ATP8B2: variants seen among roughly 807,000 people sequenced by gnomAD.
ATP8B2 encodes phospholipid-transporting ATPase ID.
ATP8B2 carries 70 observed loss-of-function variants against 133.4 expected under a neutral mutation model. That is an observed-to-expected ratio of 0.52 (90% CI 0.43 to 0.64). The LOEUF (loss-of-function observed/expected upper bound fraction) is 0.64, where lower values mean the gene tolerates loss of function less well. Among genes scored for constraint, ATP8B2 ranks in the 30% least tolerant of loss-of-function variants. The pLI is 0.00. For missense variants in ATP8B2, 1,101 were observed against 1,535.7 expected, an observed-to-expected ratio of 0.72 and a Z score of 4.73; for synonymous variants, 517 against 589.5, an observed-to-expected ratio of 0.88 and a Z score of 1.78.
In ATP8B2 at chr1:154,340,682, CAGCCGGCTCCACCTTCAGGCTCT is replaced by C; in HGVS notation, c.1035-171_1035-149del. ...GGGGCGTTCCTCTGCTGGCTGTGTG[CAGCCGGCTCCACCTTCAGGCTCT>C]CCTTGCCCTTTCCCACCCAGGTTTC... is the stretch of plus-strand genomic sequence containing the variant. On this transcript the variant is annotated intron_variant, in intron 12 of 27. Transcript: ENST00000368489. The surrounding 1 kb of genome is among the most constrained non-coding windows in gnomAD (Gnocchi z 4.0). 1 of 645,338 alleles carries C rather than the reference CAGCCGGCTCCACCTTCAGGCTCT, an allele frequency of 1.5e-6. No homozygotes were observed. The allele number at this position is 645,338 out of a possible 1,614,324, so 40.0% of individuals were successfully genotyped here.
Position 154,344,998 on chromosome 1 carries a change from C to A in ATP8B2, c.2314C>A (p.Leu772Met). The change falls in exon 22 of 28, where the codon CTG becomes ATG. Residue 772 changes from leucine to methionine, a missense_variant. Coordinates refer to ENST00000368489, the MANE Select transcript of ATP8B2 (RefSeq NM_001370597.1). The surrounding 1 kb of genome is among the most constrained non-coding windows in gnomAD (Gnocchi z 4.1). ...CCACGCACTGGAGGCAGACATGGAG[C>A]TGGAGTTTCTGGAGACAGCGTGTGC... ...LAHALEADME[L>M]EFLETACACK... 1 of 1,613,850 alleles carries A rather than the reference C, an allele frequency of 6.2e-7. No individual in the cohort carries two copies.
chr1:154,328,791 C>T lies in ATP8B2; in HGVS notation c.31+619C>T. On this transcript the variant is annotated intron_variant, in intron 2 of 27. Coordinates refer to ENST00000368489, the MANE Select transcript of ATP8B2 (RefSeq NM_001370597.1). The surrounding 1 kb of genome is among the most constrained non-coding windows in gnomAD (Gnocchi z 4.6). ...GGGGCATGGGGGGCGGCGGCGGCGG[C>T]GCAGCTGAGCTCGCGGTGTCCCCGA... 1 of 1,010,836 alleles carries T rather than the reference C, an allele frequency of 9.9e-7. No individual in the cohort carries two copies. Among genetic ancestry groups the T allele is most frequent in the Non-Finnish European group, 1.2e-6 (1 of 848,204 alleles). The allele number at this position is 1,010,836 out of a possible 1,614,324, so 62.6% of individuals were successfully genotyped here. A position where few individuals can be genotyped will look rare whatever the true frequency, so the allele number is the denominator to read the frequency against.
Position 154,337,538 on chromosome 1 carries a change from A to G in ATP8B2, c.1028A>G (p.Tyr343Cys). ...AACACCGTTGTGCCCATTTCACTCT[A>G]TGTCAGGTATGTGCCTTCTCTGACC... ...ILNTVVPISL[Y>C]VSVEVIRLGH... Residue 343 changes from tyrosine (Y) to cysteine (C), a missense_variant, in exon 12 of 28, where the codon TAT (tyrosine) becomes TGT (cysteine). Coordinates refer to ENST00000368489, the MANE Select transcript of ATP8B2 (RefSeq NM_001370597.1). 2 of 1,614,066 alleles carry G rather than the reference A, an allele frequency of 1.2e-6. No individual in the cohort carries two copies.
At chr1:154,330,606 G>T in intron 3 of ATP8B2, 152 bp downstream of exon 3, 1 of 847,706 alleles carries the variant, frequency 1.2e-6, no homozygotes. Flanking sequence ...CTATCGTGCT[G>T]AATTTTTCAT....
At chr1:154,327,534 T>A (rs761448554) in intron 1 of ATP8B2, among the ~76,000 whole-genome samples, 2 of 152,082 alleles carry the variant, frequency 1.3e-5, no homozygotes, top group Non-Finnish European at 2.9e-5. Flanking sequence ...AGGGACTGTC[T>A]GTGCAGAAAG....
Position 154,340,503 on chromosome 1 carries a change from CTTGT to C in ATP8B2, c.1035-348_1035-345del, listed in dbSNP as rs1686343182. ...CTCTCCCCTCCCTCTGGCACTTTCT[CTTGT>C]TTTTCTCTGCATGGTTTCTGTATTA... On this transcript the variant is annotated intron_variant, in intron 12 of 27. Coordinates refer to ENST00000368489, the MANE Select transcript of ATP8B2 (RefSeq NM_001370597.1). The surrounding 1 kb of genome is among the most constrained non-coding windows in gnomAD (Gnocchi z 4.0). 1 of 243,494 alleles carries C rather than the reference CTTGT, an allele frequency of 4.1e-6. No homozygotes were observed. Among genetic ancestry groups the C allele is most frequent in the Non-Finnish European group, 8.7e-6 (1 of 115,202 alleles). 15.1% of individuals were successfully genotyped at this position (243,494 alleles called of 1,614,324 possible).
chr1:154,348,739 C>T, intron 27 of ATP8B2, 101 bp from the exon 28 acceptor site: 2 of 1,413,636 alleles, frequency 1.4e-6, no homozygotes, highest in Non-Finnish European at 1.9e-6. Context: ...GGGTCGGAGG[C>T]CTCTGTGTCA....
In ATP8B2 at chr1:154,334,317, C is replaced by T. The variant is rs1415357820; in HGVS notation, c.748+52C>T. 1 of 1,602,404 alleles carries T rather than the reference C, an allele frequency of 6.2e-7. No homozygotes were observed. The highest frequency in any genetic ancestry group is 1.7e-5 in the Admixed American group (1 of 59,498). On this transcript the variant is annotated intron_variant, in intron 10 of 27. Transcript: ENST00000368489. The surrounding 1 kb of genome is among the most constrained non-coding windows in gnomAD (Gnocchi z 4.6). ...AAGGGTAAGAGTGACTCAGCCAGCC[C>T]TCACTCAGGAGTATGGGATGAGGTG...
In ATP8B2 at chr1:154,328,901, C is replaced by T; in HGVS notation, c.31+729C>T. 7.8e-7 allele frequency: 1 copy of T among 1,276,510 alleles called. No individual in the cohort carries two copies. Among genetic ancestry groups the T allele is most frequent in the South Asian group, 1.3e-5 (1 of 79,498 alleles). The allele number at this position is 1,276,510 out of a possible 1,614,324, so 79.1% of individuals were successfully genotyped here. Reference sequence around the variant, plus strand: ...GCTCCCCTCTGAGCGGCTGCGGCTCCTGCACCTCCCCGGGGAGCCGCCCCG... The same window carrying T: ...GCTCCCCTCTGAGCGGCTGCGGCTCTTGCACCTCCCCGGGGAGCCGCCCCG... On this transcript the variant is annotated intron_variant, in intron 2 of 27. Coordinates refer to ENST00000368489, the MANE Select transcript of ATP8B2 (RefSeq NM_001370597.1). The surrounding 1 kb of genome is among the most constrained non-coding windows in gnomAD (Gnocchi z 4.6).
intron 2 of ATP8B2, among the ~76,000 whole-genome samples, chr1:154,329,603 CACTA>C (rs909448064): frequency 3.3e-5 from 5 of 152,254 alleles, no homozygotes; most frequent in African/African-American, 1.2e-4. Flanking sequence ...AGATAGGTGT[CACTA>C]ACTGAGTGAC....
In ATP8B2 at chr1:154,343,678, T is replaced by A; in HGVS notation, c.1758+110T>A. ...ATTTAAGGTCTACAACGTGATGTTT[T>A]GATGTGTATATATAGTGAAGTGATT... is the stretch of plus-strand genomic sequence containing the variant. On this transcript the variant is annotated intron_variant, in intron 17 of 27. Transcript: ENST00000368489. The surrounding 1 kb of genome is among the most constrained non-coding windows in gnomAD (Gnocchi z 5.8). 1.8e-6 allele frequency: 2 copies of A among 1,115,026 alleles called. No homozygotes were observed. The highest frequency in any genetic ancestry group is 2.6e-6 in the Non-Finnish European group (2 of 758,008). The allele number at this position is 1,115,026 out of a possible 1,614,324, so 69.1% of individuals were successfully genotyped here. A position where few individuals can be genotyped will look rare whatever the true frequency, so the allele number is the denominator to read the frequency against.
rs1262865348 is a variant in ATP8B2 at position 154,345,921 on chromosome 1, A to G, written c.2778+38A>G. 6.5e-7 allele frequency: 1 copy of G among 1,544,708 alleles called. No homozygotes were observed. The highest frequency in any genetic ancestry group is 8.9e-7 in the Non-Finnish European group (1 of 1,117,510). On this transcript the variant is annotated intron_variant, in intron 24 of 27. Coordinates refer to ENST00000368489, the MANE Select transcript of ATP8B2 (RefSeq NM_001370597.1). The surrounding 1 kb of genome is among the most constrained non-coding windows in gnomAD (Gnocchi z 5.6). ...TTGATGATCAGATGGGATGCGGGGA[A>G]GGTCACTGCTTGAAGGAGTCACATA...
chr1:154,346,222 C>G lies in ATP8B2; in HGVS notation c.2779-9C>G. Reference sequence around the variant, plus strand: ...GAGGCCCCCTATGCTACATGGTCCTCCCACACAGGATGTCCCCGAGCAGCG... The same window carrying G: ...GAGGCCCCCTATGCTACATGGTCCTGCCACACAGGATGTCCCCGAGCAGCG... On this transcript the variant is annotated splice_polypyrimidine_tract_variant and intron_variant, in intron 24 of 27. Transcript: ENST00000368489. This position sits in a 1 kb window ranked among gnomAD's most constrained non-coding sequence, Gnocchi z 4.5. 3.7e-6 allele frequency: 6 copies of G among 1,612,590 alleles called. No homozygotes were observed. Among genetic ancestry groups the G allele is most frequent in the Non-Finnish European group, 5.1e-6 (6 of 1,179,476 alleles).
chr1:154,335,736 TA>T (rs563272917), intron 11 of ATP8B2, among the ~76,000 whole-genome samples: 203 of 141,004 alleles, frequency 1.4e-3, no homozygotes, highest in Non-Finnish European at 1.3e-3. Flanking sequence ...TTCCCAAGTT[TA>T]AAAAAAAAAA....
rs761133350 is a variant in ATP8B2, at chr1:154,350,672, C to T, written c.*1554C>T. 2.0e-5 allele frequency: 3 copies of T among 152,366 alleles called. No homozygotes were observed. Among genetic ancestry groups the T allele is most frequent in the Non-Finnish European group, 4.4e-5 (3 of 68,096 alleles). The allele number at this position is 152,366 out of a possible 1,614,324, so 9.4% of individuals were successfully genotyped here. A position where few individuals can be genotyped will look rare whatever the true frequency, so the allele number is the denominator to read the frequency against. ...GGCAAAACCAGGCCCAGGCCAGTGC[C>T]TGGCTTGGTCTGGATGGGACACTGT... On this transcript the variant is annotated 3_prime_UTR_variant, in exon 28 of 28. Coordinates refer to ENST00000368489, the MANE Select transcript of ATP8B2 (RefSeq NM_001370597.1).
chr1:154,330,554 C>T lies in ATP8B2; in HGVS notation c.90+100C>T, dbSNP rs1685949021. 3.8e-6 allele frequency: 5 copies of T among 1,326,266 alleles called. No individual in the cohort carries two copies. In the Admixed American group the frequency reaches 8.1e-5, roughly 21 times the overall value. The allele number at this position is 1,326,266 out of a possible 1,614,324, so 82.2% of individuals were successfully genotyped here. On this transcript the variant is annotated intron_variant, in intron 3 of 27. Coordinates refer to ENST00000368489, the MANE Select transcript of ATP8B2 (RefSeq NM_001370597.1). Reference sequence around the variant, plus strand: ...GACTGAGGGCTGCCTGGGAAGAGTGCTTGGGGGAGGGGAAGCAACCTCCTC... The same window carrying T: ...GACTGAGGGCTGCCTGGGAAGAGTGTTTGGGGGAGGGGAAGCAACCTCCTC...
Position 154,340,952 on chromosome 1 carries a change from C to A in ATP8B2, c.1133C>A (p.Thr378Asn). 6.2e-7 allele frequency: 1 copy of A among 1,614,180 alleles called. No individual in the cohort carries two copies. Among genetic ancestry groups the A allele is most frequent in the Non-Finnish European group, 8.5e-7 (1 of 1,180,026 alleles). The change falls in exon 13 of 28, where the codon ACC becomes AAC. Residue 378 changes from threonine to asparagine, a missense_variant. Transcript: ENST00000368489. The surrounding 1 kb of genome is among the most constrained non-coding windows in gnomAD (Gnocchi z 4.0). ...ACGCCTGCAGAAGCCCGCACCACCA[C>A]CCTAAACGAGGAGCTGGGCCAGGTG... ...KRTPAEARTT[T>N]LNEELGQVEY...
At chr1:154,337,902 C>T (rs1473192909) in intron 12 of ATP8B2, 2 of 610,088 alleles carry the variant, frequency 3.3e-6, no homozygotes, top group African/African-American at 1.9e-5. Flanking sequence ...AATCTAAACA[C>T]ATTATAAAAC....
In ATP8B2 at chr1:154,343,799, C is replaced by T; in HGVS notation, c.1759-94C>T. On this transcript the variant is annotated intron_variant, in intron 17 of 27. Coordinates refer to ENST00000368489, the MANE Select transcript of ATP8B2 (RefSeq NM_001370597.1). This position sits in a 1 kb window ranked among gnomAD's most constrained non-coding sequence, Gnocchi z 5.8. ...CCCTAACTGTGGAATGTGGCACACA[C>T]CCAGTCTACAGTGCAGGATTATTCA... The T allele has an allele frequency of 7.1e-7, 1 of 1,417,848 alleles. No individual in the cohort carries two copies. The highest frequency in any genetic ancestry group is 1.3e-5 in the South Asian group (1 of 74,582). 87.8% of individuals were successfully genotyped at this position (1,417,848 alleles called of 1,614,324 possible).
Sources: allele counts gnomAD v4.1 joint callset (sites outside exome capture counted in the v4.1 genomes callset), GRCh38; gene constraint gnomAD v4.1.1; non-coding constraint Gnocchi (gnomAD v3.1); transcripts MANE v1.5; gene names NCBI Gene and HGNC (gene_info 2026-07-23, HGNC 2026-07-21).